The following FAF1 variants were observed in gnomAD, a reference collection of about 807,000 sequenced individuals.
The protein encoded by FAF1 is Fas associated factor 1, also known as FAS-associated factor 1.
In FAF1, 25 loss-of-function variants were observed where a neutral mutation model predicts 92.5. The ratio of observed to expected loss-of-function variants is 0.27; its 90% CI spans 0.20 to 0.38. The LOEUF (loss-of-function observed/expected upper bound fraction) is 0.38. Ranked by LOEUF, FAF1 falls within the 10% of genes least tolerant of loss-of-function variation. FAF1 has a pLI of 1.00. For missense variants in FAF1, 636 were observed against 793.3 expected, an observed-to-expected ratio of 0.80 and a Z score of 2.38; for synonymous variants, 234 against 273.2, an observed-to-expected ratio of 0.86 and a Z score of 1.42.
At chr1:50,876,549 C>G (rs939144644) in intron 1 of FAF1, among the ~76,000 whole-genome samples, 8 of 152,162 alleles carry the variant, frequency 5.3e-5, no homozygotes, top group Non-Finnish European at 7.4e-5. Context: ...ATAAAGCTAA[C>G]TGAACTCCCA....
chr1:50,615,711 G>GTTT (rs1257291610), intron 8 of FAF1, among the ~76,000 whole-genome samples: 1 of 151,948 alleles, frequency 6.6e-6, no homozygotes, highest in African/African-American at 2.4e-5. Flanking sequence ...TAATGGGCTT[G>GTTT]TTTTCTGCTT....
At chr1:50,673,066 T>C (rs960754860) in intron 7 of FAF1, among the ~76,000 whole-genome samples, 10 of 152,286 alleles carry the variant, frequency 6.6e-5, no homozygotes, top group African/African-American at 2.4e-4. Context: ...GAGACCAGCC[T>C]GACCAACATG....
In FAF1 at chr1:50,670,061, C is replaced by T. The variant is rs1057496863; in HGVS notation, c.658-14533G>A. ...GCTTGAACAAGGGAGGTGGAGGTTGCGGTGAGCCGAGATTGCGCCATTGCA... is the reference window on the plus strand; with the variant it reads ...GCTTGAACAAGGGAGGTGGAGGTTGTGGTGAGCCGAGATTGCGCCATTGCA... On this transcript the variant is annotated intron_variant, in intron 7 of 18. Transcript: ENST00000396153. Among the ~76,000 whole-genome samples, 17 of 144,658 alleles carry T rather than the reference C, an allele frequency of 1.2e-4. 1 individual carries two copies. Among genetic ancestry groups the T allele is most frequent in the South Asian group, 4.3e-4 (2 of 4,626 alleles). The allele number at this position is 144,658 out of a possible 152,430, so 94.9% of individuals were successfully genotyped here. A position where few individuals can be genotyped will look rare whatever the true frequency, so the allele number is the denominator to read the frequency against.
chr1:50,794,789 A>ATTTTTTTTTTTT (rs59806816), intron 3 of FAF1, among the ~76,000 whole-genome samples: 1 of 123,494 alleles, frequency 8.1e-6, no homozygotes, highest in Non-Finnish European at 1.7e-5. Context: ...TCACCCAGCT[A>ATTTTTTTTTTTT]TTTTTTTTTT....
Position 50,591,622 on chromosome 1 carries a change from G to A in FAF1, c.840+4499C>T, listed in dbSNP as rs958376528. Among the ~76,000 whole-genome samples the A allele has an allele frequency of 3.4e-5, 5 of 146,444 alleles. No individual in the cohort carries two copies. In the East Asian group the frequency reaches 6.0e-4, roughly 18 times the overall value. ...CGAGAGGTGGAGGTTGCAGTGAGCC[G>A]AGATCGCACCACTGCACTCCACCCT... On this transcript the variant is annotated intron_variant, in intron 9 of 18. Coordinates refer to ENST00000396153, the MANE Select transcript of FAF1 (RefSeq NM_007051.3).
chr1:50,567,283 T>A, intron 12 of FAF1, 52 bp from the exon 13 acceptor site: 1 of 1,425,696 alleles, frequency 7.0e-7, no homozygotes, highest in Non-Finnish European at 9.5e-7. Flanking sequence ...AATGTAAGAT[T>A]TCTTAAATTT....
At chr1:50,731,565 T>C (rs898711574) in intron 6 of FAF1, among the ~76,000 whole-genome samples, 3 of 152,016 alleles carry the variant, frequency 2.0e-5, no homozygotes, top group South Asian at 2.1e-4. Flanking sequence ...AGACGGGGTT[T>C]CACTATGTTA....
intron 13 of FAF1, among the ~76,000 whole-genome samples, chr1:50,558,064 A>T (rs1649678818): frequency 6.6e-6 from 1 of 151,854 alleles, no homozygotes. Flanking sequence ...ATGCCAGGCT[A>T]GTTTTTGTAT....
intron 1 of FAF1, among the ~76,000 whole-genome samples, chr1:50,936,071 G>A (rs1645082740): frequency 6.6e-6 from 1 of 152,162 alleles, no homozygotes; most frequent in African/African-American, 2.4e-5. Flanking sequence ...AACATCCAAA[G>A]ACCCAACCAT....
At chr1:50,908,590 C>G (rs967281619) in intron 1 of FAF1, among the ~76,000 whole-genome samples, 2 of 152,206 alleles carry the variant, frequency 1.3e-5, no homozygotes, top group Middle Eastern at 3.4e-3. Context: ...GGATAGTTAG[C>G]TCTTCTTGTT....
chr1:50,476,151 A>G (rs1646637607), intron 17 of FAF1, among the ~76,000 whole-genome samples: 1 of 152,226 alleles, frequency 6.6e-6, no homozygotes, highest in South Asian at 2.1e-4. Context: ...TGGAATGAGG[A>G]AATTCTGTTT....
chr1:50,731,224 G>A (rs1658900984), intron 6 of FAF1, among the ~76,000 whole-genome samples: 1 of 152,176 alleles, frequency 6.6e-6, no homozygotes, highest in African/African-American at 2.4e-5. Flanking sequence ...CCATGTGAAA[G>A]AAGCATCCCA....
At chr1:50,671,671 A>G (rs772821787) in intron 7 of FAF1, among the ~76,000 whole-genome samples, 1 of 152,096 alleles carries the variant, frequency 6.6e-6, no homozygotes, top group Non-Finnish European at 1.5e-5. Flanking sequence ...GGATATTACA[A>G]TCACTACCAG....
At chr1:50,818,609 A>G (rs942080251) in intron 2 of FAF1, among the ~76,000 whole-genome samples, 4 of 152,246 alleles carry the variant, frequency 2.6e-5, no homozygotes, top group South Asian at 2.1e-4. Context: ...AATGCCAGGT[A>G]TAAGAGTGCA....
chr1:50,656,344 CAAAA>C (rs77836738), intron 7 of FAF1, among the ~76,000 whole-genome samples: 2 of 77,590 alleles, frequency 2.6e-5, no homozygotes, highest in Non-Finnish European at 2.8e-5. Flanking sequence ...TACCACCGAC[CAAAA>C]AAAAAAAAAA....
intron 8 of FAF1, among the ~76,000 whole-genome samples, chr1:50,627,777 A>G (rs920817397): frequency 6.6e-6 from 1 of 152,178 alleles, no homozygotes; most frequent in African/African-American, 2.4e-5. Flanking sequence ...ACTTTTAAAA[A>G]TTCATCAAAT....
At chr1:50,941,501 G>T (rs1369274239) in intron 1 of FAF1, among the ~76,000 whole-genome samples, 1 of 152,112 alleles carries the variant, frequency 6.6e-6, no homozygotes, top group Admixed American at 6.6e-5. Flanking sequence ...ACAGGCATGA[G>T]CCACCGTGCC....
At chr1:50,940,481 T>A (rs1176059120) in intron 1 of FAF1, among the ~76,000 whole-genome samples, 2 of 152,154 alleles carry the variant, frequency 1.3e-5, no homozygotes, top group African/African-American at 4.8e-5. Context: ...TAAGCTGTTA[T>A]CAAACACGTG....
chr1:50,763,311 CTT>C (rs1308281976), intron 4 of FAF1, among the ~76,000 whole-genome samples: 3 of 151,818 alleles, frequency 2.0e-5, no homozygotes, highest in Non-Finnish European at 4.4e-5. Context: ...TAAAATGTAT[CTT>C]TGTTTCTCTG....
Sources: gnomAD v4.1 joint callset for allele counts (sites outside exome capture counted in the v4.1 genomes callset) on GRCh38, gnomAD v4.1.1 for gene constraint, MANE v1.5 for transcripts, NCBI Gene and HGNC (gene_info 2026-07-23, HGNC 2026-07-21) for gene names.